The following PITPNM1 variants were observed in gnomAD, a reference collection of about 807,000 sequenced individuals.
The protein encoded by PITPNM1 is phosphatidylinositol transfer protein membrane associated 1.
A neutral mutation model predicts 133.3 loss-of-function variants in PITPNM1; 74 were observed. That is an observed-to-expected ratio of 0.56 (90% CI 0.46 to 0.67). PITPNM1 has a LOEUF of 0.67. Among genes scored for constraint, PITPNM1 ranks in the 30% least tolerant of loss-of-function variants. PITPNM1 has a pLI of 0.00. For synonymous variants in PITPNM1, 738 were observed against 741.4 expected, an observed-to-expected ratio of 1.00 and a Z score of 0.08; for missense variants, 1,398 against 1,739.5, an observed-to-expected ratio of 0.80 and a Z score of 3.49.
chr11:67,498,903 G>A lies in PITPNM1; in HGVS notation c.1233+37C>T. The stretch of plus-strand genomic sequence containing the variant: ...ACAGCAGTGGCCGGGCCAGTGAGTA[G>A]GGGGAGCTTTGACATGGGGTGGCTG... On this transcript the variant is annotated intron_variant, in intron 9 of 23. Coordinates refer to ENST00000356404, the MANE Select transcript of PITPNM1 (RefSeq NM_004910.3). The surrounding 1 kb of genome is among the most constrained non-coding windows in gnomAD (Gnocchi z 5.7). 1 of 1,611,808 alleles carries A rather than the reference G, an allele frequency of 6.2e-7. No individual in the cohort carries two copies. Among genetic ancestry groups the A allele is most frequent in the South Asian group, 1.1e-5 (1 of 91,010 alleles).
intron 14 of PITPNM1, 176 bp downstream of exon 14, chr11:67,497,055 C>G (rs1866143387): frequency 1.9e-6 from 1 of 530,838 alleles, no homozygotes; most frequent in Non-Finnish European, 3.3e-6. Context: ...CTTTGGGAGA[C>G]TCACCCTTGG....
chr11:67,505,368 T>A (rs2134344255), upstream of PITPNM1: 1 of 151,862 alleles, frequency 6.6e-6, no homozygotes, highest in South Asian at 2.1e-4. The surrounding 1 kb of genome is among the most constrained non-coding windows in gnomAD (Gnocchi z 5.8). Context: ...GCCCCTGCAG[T>A]CCCTCCCCGA....
rs769482994 is a variant in PITPNM1 at position 67,499,923 on chromosome 11, C to T, written c.1054G>A (p.Asp352Asn). 4.3e-6 allele frequency: 7 copies of T among 1,612,050 alleles called. No individual in the cohort carries two copies. Among genetic ancestry groups the T allele is most frequent in the Non-Finnish European group, 4.2e-6 (5 of 1,179,466 alleles). The change falls in exon 7 of 24, where the codon GAT (aspartate) becomes AAT (asparagine). Residue 352 changes from aspartate (D) to asparagine (N), a missense_variant. Physicochemically the swap from Asp to Asn is conservative, Grantham distance 23 (BLOSUM62 1). Around this residue, in one of 5 missense-constraint regions of PITPNM1, gnomAD observed 195 missense variants for 178.8 expected, o/e 1.09. Coordinates refer to ENST00000356404, the MANE Select transcript of PITPNM1 (RefSeq NM_004910.3). ...SENSSEEEFF[D>N]AHEGFSDSEE... ...GGGCCTCAGTGCTGACCGTGGGCAT[C>T]AAAGAACTCTTCCTCGGAGCTGTTC...
rs962604204 is a variant in PITPNM1 at position 67,504,048 on chromosome 11, C to T, written c.78+55G>A. 2.2e-6 allele frequency: 3 copies of T among 1,393,532 alleles called. No homozygotes were observed. The highest frequency in any genetic ancestry group is 2.2e-5 in the Admixed American group (1 of 46,112). The allele number at this position is 1,393,532 out of a possible 1,614,324, so 86.3% of individuals were successfully genotyped here. On this transcript the variant is annotated intron_variant, in intron 2 of 23. Coordinates refer to ENST00000356404, the MANE Select transcript of PITPNM1 (RefSeq NM_004910.3). This position sits in a 1 kb window ranked among gnomAD's most constrained non-coding sequence, Gnocchi z 5.4. Reference sequence around the variant, plus strand: ...GGTCCCAGCCCCGGGGCAGGGCTGGCGGGGTCGGCAGGGCTCCACCCCTTG... The same window carrying T: ...GGTCCCAGCCCCGGGGCAGGGCTGGTGGGGTCGGCAGGGCTCCACCCCTTG...
Position 67,498,828 on chromosome 11 carries a change from C to T in PITPNM1, c.1252G>A (p.Glu418Lys). Reference protein sequence around the residue: ...RDSEGLDGAGELGAEACAVHA... With the variant: ...RDSEGLDGAGKLGAEACAVHA... Reference sequence around the variant, plus strand: ...ACTGCGCATGCCTCAGCCCCCAGCTCCCCGGCTCCATCCAGGCCCTGGGGG... The same window carrying T: ...ACTGCGCATGCCTCAGCCCCCAGCTTCCCGGCTCCATCCAGGCCCTGGGGG... The change falls in exon 10 of 24, where the codon GAG becomes AAG. Residue 418 changes from glutamate (E) to lysine (K), a missense_variant. Coordinates refer to ENST00000356404, the MANE Select transcript of PITPNM1 (RefSeq NM_004910.3). This position sits in a 1 kb window ranked among gnomAD's most constrained non-coding sequence, Gnocchi z 5.7. 6.2e-7 allele frequency: 1 copy of T among 1,610,272 alleles called. No homozygotes were observed. Among genetic ancestry groups the T allele is most frequent in the Non-Finnish European group, 8.5e-7 (1 of 1,177,762 alleles).
chr11:67,503,670 C>T (rs1351317366), intron 2 of PITPNM1, among the ~76,000 whole-genome samples: 1 of 152,216 alleles, frequency 6.6e-6, no homozygotes. Flanking sequence ...TGCCCTACAC[C>T]AGAGCCTCCT....
At chr11:67,505,685 T>C (rs1591070396), upstream of PITPNM1, among the ~76,000 whole-genome samples, 1 of 152,290 alleles carries the variant, frequency 6.6e-6, no homozygotes, top group Admixed American at 6.5e-5. The surrounding 1 kb of genome is among the most constrained non-coding windows in gnomAD (Gnocchi z 5.8). Context: ...TCTCACTCTC[T>C]GCAGTCCTTA....
chr11:67,494,341 C>A lies in PITPNM1; in HGVS notation c.2762G>T (p.Arg921Leu). ...CTCGCACACCACCGTGTCGCTCGCC[C>A]GGTGGTTGGAAGTGACGTTCTAGAG... is the stretch of plus-strand genomic sequence containing the variant. Reference protein sequence around the residue: ...VKIRNVTSNHRASDTVVCEGR... With the variant: ...VKIRNVTSNHLASDTVVCEGR... The change falls in exon 19 of 24, where the codon CGG becomes CTG. Residue 921 changes from arginine to leucine, a missense_variant. Arg to Leu is a moderately radical substitution (Grantham distance 102). Coordinates refer to ENST00000356404, the MANE Select transcript of PITPNM1 (RefSeq NM_004910.3). 6.2e-7 allele frequency: 1 copy of A among 1,604,950 alleles called. No homozygotes were observed. The highest frequency in any genetic ancestry group is 8.5e-7 in the Non-Finnish European group (1 of 1,176,056).
chr11:67,491,795 G>A lies in PITPNM1; in HGVS notation c.*238C>T. ...GGGTGCAGGTGGCGTTTATTTTCAT[G>A]GATTTATACACACTGGAAAAGCCTC... On this transcript the variant is annotated 3_prime_UTR_variant, in exon 24 of 24. Coordinates refer to ENST00000356404, the MANE Select transcript of PITPNM1 (RefSeq NM_004910.3). 1.9e-6 allele frequency: 1 copy of A among 522,892 alleles called. No homozygotes were observed. The highest frequency in any genetic ancestry group is 3.4e-6 in the Non-Finnish European group (1 of 296,318). The allele number at this position is 522,892 out of a possible 1,614,324, so 32.4% of individuals were successfully genotyped here.
chr11:67,496,192 G>A lies in PITPNM1; in HGVS notation c.2303C>T (p.Ser768Leu), dbSNP rs1288425315. The change falls in exon 15 of 24, where the codon TCA becomes TTA. Residue 768 changes from serine to leucine, a missense_variant. Transcript: ENST00000356404. ...TGGGGGCGTACCCAGCAGCAGGGAT[G>A]AGCCATCTCCCAGGGGGAACTTCTG... ...RYQKFPLGDGSSLLLADTLQT... is the reference protein window; with the variant it reads ...RYQKFPLGDGLSLLLADTLQT... 3 of 1,537,130 alleles carry A rather than the reference G, an allele frequency of 2.0e-6. No homozygotes were observed. The highest frequency in any genetic ancestry group is 1.2e-5 in the South Asian group (1 of 81,072).
Position 67,495,490 on chromosome 11 carries a change from A to G in PITPNM1, c.2430T>C (p.Thr810=). ...GGGCGGCTGGCTGGGCCGGGGGGTC[A>G]GTGGCCAACTCACTGCCCTTCCAGA... ...GAFWKGSELA[T]DPPAQPAAPS... The change falls in exon 16 of 24, where the codon ACT becomes ACC. Residue 810 remains threonine, a synonymous_variant. Transcript: ENST00000356404. 6.4e-7 allele frequency: 1 copy of G among 1,568,734 alleles called. No homozygotes were observed. Among genetic ancestry groups the G allele is most frequent in the Non-Finnish European group, 8.6e-7 (1 of 1,158,998 alleles).
chr11:67,494,782 G>A, intron 18 of PITPNM1, 64 bp downstream of exon 18: 1 of 1,139,078 alleles, frequency 8.8e-7, no homozygotes, highest in South Asian at 1.3e-5. Context: ...GGAGGGGCGG[G>A]GCCTCTCTGG....
intron 16 of PITPNM1, 77 bp from the exon 17 acceptor site, chr11:67,495,302 C>T (rs1360645381): frequency 1.3e-5 from 19 of 1,487,770 alleles, no homozygotes; most frequent in Non-Finnish European, 1.1e-5. Context: ...GCTCTTCCCT[C>T]CCCCCTTTTC....
At position 67,494,342 on chromosome 11, in the gene PITPNM1, G is replaced by A. The variant is rs764146792; in HGVS notation, c.2761C>T (p.Arg921Trp). The A allele has an allele frequency of 3.1e-6, 5 of 1,606,758 alleles. No individual in the cohort carries two copies. Among genetic ancestry groups the A allele is most frequent in the South Asian group, 1.1e-5 (1 of 90,334 alleles). Residue 921 changes from arginine to tryptophan, a missense_variant, in exon 19 of 24, where the codon CGG (arginine) becomes TGG (tryptophan). By Grantham distance (101) the Arg-to-Trp change is moderately radical. Around this residue, in one of 5 missense-constraint regions of PITPNM1, gnomAD observed 233 missense variants for 378.0 expected, o/e 0.62. Coordinates refer to ENST00000356404, the MANE Select transcript of PITPNM1 (RefSeq NM_004910.3). ...VKIRNVTSNH[R>W]ASDTVVCEGR... The stretch of plus-strand genomic sequence containing the variant: ...TCGCACACCACCGTGTCGCTCGCCC[G>A]GTGGTTGGAAGTGACGTTCTAGAGG...
Position 67,498,125 on chromosome 11 carries a change from C to T in PITPNM1, c.1674+8G>A. 6.2e-7 allele frequency: 1 copy of T among 1,612,060 alleles called. No individual in the cohort carries two copies. Among genetic ancestry groups the T allele is most frequent in the Non-Finnish European group, 8.5e-7 (1 of 1,179,862 alleles). ...AGGGCAGCAGATGGACTGTCCCTAA[C>T]CGCTGACCTGCCCACAGAAGCCGGC... is the stretch of plus-strand genomic sequence containing the variant. On this transcript the variant is annotated splice_region_variant and intron_variant, in intron 11 of 23. Coordinates refer to ENST00000356404, the MANE Select transcript of PITPNM1 (RefSeq NM_004910.3). This position sits in a 1 kb window ranked among gnomAD's most constrained non-coding sequence, Gnocchi z 5.7.
rs750242290 is a variant in PITPNM1, at chr11:67,501,965, C to T, written c.537G>A (p.Thr179=). Residue 179 remains threonine (T), a synonymous_variant, in exon 5 of 24, where the codon ACG becomes ACA. Transcript: ENST00000356404. The stretch of plus-strand genomic sequence containing the variant: ...ACATAAGGGGCCCCGTCTGTGCCGC[C>T]GTCCGTGCCCAGTCATCAGACAGTG... ...RGPLSDDWAR[T]AAQTGPLMCA... 76 of 1,613,420 alleles carry T rather than the reference C, an allele frequency of 4.7e-5. No homozygotes were observed. The highest frequency in any genetic ancestry group is 2.0e-4 in the South Asian group (18 of 91,088).
chr11:67,497,094 C>T (rs1480043918), intron 14 of PITPNM1, 137 bp downstream of exon 14: 3 of 694,726 alleles, frequency 4.3e-6, no homozygotes, highest in East Asian at 6.1e-5. Flanking sequence ...GCCTCAGGTT[C>T]CCCTTCTGTA....
intron 22 of PITPNM1, 145 bp downstream of exon 22, chr11:67,493,265 G>C (rs576377081): frequency 9.2e-7 from 1 of 1,091,486 alleles, no homozygotes; most frequent in East Asian, 2.6e-5. Flanking sequence ...CAAACTAGGG[G>C]AGCAGGACCG....
In PITPNM1 at chr11:67,499,795, C is replaced by G; in HGVS notation, c.1099G>C (p.Glu367Gln). 6.5e-7 allele frequency: 1 copy of G among 1,549,992 alleles called. No homozygotes were observed. Among genetic ancestry groups the G allele is most frequent in the Non-Finnish European group, 8.8e-7 (1 of 1,142,550 alleles). The change falls in exon 8 of 24, where the codon GAG becomes CAG. Residue 367 changes from glutamate (E) to glutamine (Q), a missense_variant. Around this residue, in one of 5 missense-constraint regions of PITPNM1, gnomAD observed 195 missense variants for 178.8 expected, o/e 1.09. Transcript: ENST00000356404. ...FSDSEEVFPKEMTKWNSNDFI... is the reference protein window; with the variant it reads ...FSDSEEVFPKQMTKWNSNDFI... ...TCATTGGAGTTCCACTTGGTCATCT[C>G]CTTGGGGAAGACCTCCTCACTGTCC...
Sources: allele counts gnomAD v4.1 joint callset (sites outside exome capture counted in the v4.1 genomes callset), GRCh38; gene constraint gnomAD v4.1.1; regional missense constraint gnomAD v4.1.1; non-coding constraint Gnocchi (gnomAD v3.1); transcripts MANE v1.5; gene names NCBI Gene and HGNC (gene_info 2026-07-23, HGNC 2026-07-21).